EVA1A: variants seen among roughly 807,000 people sequenced by gnomAD.
EVA1A encodes the protein protein eva-1 homolog A.
EVA1A carries 7 observed loss-of-function variants against 9.8 expected under a neutral mutation model. That is an observed-to-expected ratio of 0.71 (90% CI 0.41 to 1.34). EVA1A has a LOEUF of 1.34. EVA1A is among the 40% of genes most tolerant of loss of function. The probability of loss-of-function intolerance (pLI) is 0.01; values close to 1 mark genes in which losing one functional copy is unlikely to be tolerated. For synonymous variants in EVA1A, 90 were observed against 85.6 expected (o/e 1.05, Z -0.28); for missense variants, 206 against 205.9 (o/e 1.00, Z 0.00).
chr2:75,551,396 T>C (rs1558692079), intron 1 of EVA1A, among the ~76,000 whole-genome samples: 1 of 152,230 alleles, frequency 6.6e-6, no homozygotes, highest in Admixed American at 6.5e-5. Flanking sequence ...TCCGTGAACA[T>C]TTCAGATCTC....
intron 3 of EVA1A, among the ~76,000 whole-genome samples, chr2:75,510,494 T>TG (rs1266037102): frequency 6.6e-6 from 1 of 152,088 alleles, no homozygotes; most frequent in Non-Finnish European, 1.5e-5. Context: ...AATTAAGTTG[T>TG]GGGGGGTGAG....
intron 3 of EVA1A, among the ~76,000 whole-genome samples, chr2:75,496,430 C>T (rs539140302): frequency 6.6e-6 from 1 of 152,216 alleles, no homozygotes; most frequent in Admixed American, 6.5e-5. Flanking sequence ...ATTTCATTTA[C>T]AATTGCCACA....
intron 3 of EVA1A, among the ~76,000 whole-genome samples, chr2:75,497,001 T>C (rs762615515): frequency 1.3e-4 from 20 of 152,230 alleles, no homozygotes; most frequent in Non-Finnish European, 2.6e-4. Flanking sequence ...AGATTGAACC[T>C]GGACTCCTTC....
At chr2:75,523,401 T>C (rs2103862821) in intron 1 of EVA1A, among the ~76,000 whole-genome samples, 1 of 152,330 alleles carries the variant, frequency 6.6e-6, no homozygotes, top group East Asian at 1.9e-4. Context: ...TATCAGGCAC[T>C]GACCCTAGGA....
At chr2:75,548,434 C>G (rs1039644725) in intron 1 of EVA1A, among the ~76,000 whole-genome samples, 2 of 152,140 alleles carry the variant, frequency 1.3e-5, no homozygotes, top group Admixed American at 1.3e-4. Flanking sequence ...CCTGCCTGGC[C>G]TCCTTGCTCA....
chr2:75,507,749 G>A (rs989511882), intron 3 of EVA1A, among the ~76,000 whole-genome samples: 1 of 152,200 alleles, frequency 6.6e-6, no homozygotes, highest in Admixed American at 6.5e-5. Flanking sequence ...CAGTAGAGCT[G>A]CAGGTTCAGA....
At chr2:75,556,409 A>G (rs1676713425) in intron 1 of EVA1A, among the ~76,000 whole-genome samples, 1 of 152,154 alleles carries the variant, frequency 6.6e-6, no homozygotes, top group South Asian at 2.1e-4. Flanking sequence ...AGGCCTCAAG[A>G]CCTGGCACCA....
chr2:75,508,362 A>G (rs190741443), intron 3 of EVA1A, among the ~76,000 whole-genome samples: 1 of 152,310 alleles, frequency 6.6e-6, no homozygotes, highest in African/African-American at 2.4e-5. Flanking sequence ...TCAGCAAGGA[A>G]CATCCCTGGG....
In EVA1A at chr2:75,493,565, T is replaced by G; in HGVS notation, c.130A>C (p.Ile44Leu). The G allele has an allele frequency of 6.2e-7, 1 of 1,613,538 alleles. No homozygotes were observed. Among genetic ancestry groups the G allele is most frequent in the Non-Finnish European group, 8.5e-7 (1 of 1,179,700 alleles). The change falls in exon 4 of 4, where the codon ATC becomes CTC. Residue 44 changes from isoleucine (I) to leucine (L), a missense_variant. Transcript: ENST00000393913. The stretch of plus-strand genomic sequence containing the variant: ...GCAGCCAGGGTCAGCACCAGCCCGA[T>G]GCACACGCCAGAAACAAAGTACAGA... Reference protein sequence around the residue: ...AALYFVSGVCIGLVLTLAALV... With the variant: ...AALYFVSGVCLGLVLTLAALV...
chr2:75,523,685 G>C (rs1315611971), intron 1 of EVA1A, among the ~76,000 whole-genome samples: 1 of 152,172 alleles, frequency 6.6e-6, no homozygotes, highest in East Asian at 1.9e-4. Flanking sequence ...ACCTGGAAAG[G>C]TTTTACCTCT....
At chr2:75,548,194 G>A (rs557824472) in intron 1 of EVA1A, among the ~76,000 whole-genome samples, 1 of 152,304 alleles carries the variant, frequency 6.6e-6, no homozygotes, top group Non-Finnish European at 1.5e-5. Context: ...ATGCAGAAGC[G>A]TGATCTTGGC....
chr2:75,525,835 A>G (rs1004593740), intron 1 of EVA1A, among the ~76,000 whole-genome samples: 2 of 152,230 alleles, frequency 1.3e-5, no homozygotes, highest in Admixed American at 1.3e-4. Context: ...AGGAATACCA[A>G]TGCTGTTACA....
At chr2:75,508,336 C>T (rs555630723) in intron 3 of EVA1A, among the ~76,000 whole-genome samples, 19 of 152,258 alleles carry the variant, frequency 1.2e-4, no homozygotes, top group African/African-American at 3.4e-4. Flanking sequence ...GGAGAAATAT[C>T]GCTGAATTCT....
chr2:75,555,301 A>ATCTCTCCCTCTCTC (rs1553421938), intron 1 of EVA1A, among the ~76,000 whole-genome samples: 1 of 57,154 alleles, frequency 1.7e-5, no homozygotes, highest in African/African-American at 5.4e-5. Context: ...TCAAAACTCA[A>ATCTCTCCCTCTCTC]TCTCTCTCTC....
intron 1 of EVA1A, chr2:75,540,972 A>G (rs10489977): frequency 0.25 from 38,195 of 152,192 alleles, 5,006 homozygotes; most frequent in East Asian, 0.31. Context: ...AGATGCTTTC[A>G]TCAAAGGTCC....
chr2:75,505,411 G>A (rs1468411448), intron 3 of EVA1A, among the ~76,000 whole-genome samples: 1 of 152,092 alleles, frequency 6.6e-6, no homozygotes, highest in Non-Finnish European at 1.5e-5. Context: ...GTTGCCTCAT[G>A]GTGCATATCT....
chr2:75,543,590 G>A (rs1236343395), intron 1 of EVA1A, among the ~76,000 whole-genome samples: 1 of 152,166 alleles, frequency 6.6e-6, no homozygotes, highest in Admixed American at 6.5e-5. Flanking sequence ...ACCCCGCAAG[G>A]AGCTGGGGGG....
intron 1 of EVA1A, among the ~76,000 whole-genome samples, chr2:75,529,688 T>A (rs903782693): frequency 6.6e-6 from 1 of 152,144 alleles, no homozygotes; most frequent in African/African-American, 2.4e-5. Context: ...ATTTAAAAAT[T>A]GTCTGAACTG....
chr2:75,552,062 T>C (rs1676544291), intron 1 of EVA1A, among the ~76,000 whole-genome samples: 1 of 152,012 alleles, frequency 6.6e-6, no homozygotes, highest in South Asian at 2.1e-4. Flanking sequence ...ATAACTGTAG[T>C]CCCAGCTACT....
Sources: gnomAD v4.1 joint callset for allele counts (sites outside exome capture counted in the v4.1 genomes callset) on GRCh38, gnomAD v4.1.1 for gene constraint, MANE v1.5 for transcripts, NCBI Gene and HGNC (gene_info 2026-07-23, HGNC 2026-07-21) for gene names.